SETBP1: variants seen among roughly 807,000 people sequenced by gnomAD.
SETBP1 encodes SET-binding protein.
A neutral mutation model predicts 101.0 loss-of-function variants in SETBP1; 9 were observed. That is an observed-to-expected ratio of 0.09 (90% CI 0.05 to 0.16). The LOEUF (loss-of-function observed/expected upper bound fraction) is 0.16, where lower values mean the gene tolerates loss of function less well. SETBP1 is among the 10% of genes least tolerant of loss of function. SETBP1 has a pLI of 1.00. For synonymous variants in SETBP1, 818 were observed against 788.5 expected (o/e 1.04, Z -0.63); for missense variants, 1,858 against 2,033.8 (o/e 0.91, Z 1.66).
At chr18:44,722,162 G>A (rs561011784) in intron 2 of SETBP1, among the ~76,000 whole-genome samples, 1 of 152,358 alleles carries the variant, frequency 6.6e-6, no homozygotes, top group Admixed American at 6.5e-5. Context: ...GTACCGAAAA[G>A]AGCCCAGCAT....
chr18:45,040,723 G>A (rs1233385153), intron 5 of SETBP1, among the ~76,000 whole-genome samples: 2 of 152,216 alleles, frequency 1.3e-5, no homozygotes, highest in African/African-American at 2.4e-5. Flanking sequence ...TGCCAAATGG[G>A]CAGTAGAAAC....
intron 5 of SETBP1, among the ~76,000 whole-genome samples, chr18:45,039,435 C>T (rs2073465616): frequency 6.6e-6 from 1 of 152,138 alleles, no homozygotes; most frequent in Non-Finnish European, 1.5e-5. Context: ...TTACTCAATT[C>T]CTAATTACAT....
chr18:44,785,744 C>T (rs1462280523), intron 2 of SETBP1, among the ~76,000 whole-genome samples: 1 of 152,220 alleles, frequency 6.6e-6, no homozygotes, highest in Non-Finnish European at 1.5e-5. Flanking sequence ...ACATGCTCAA[C>T]AGCACATGGC....
At position 44,826,623 on chromosome 18, in the gene SETBP1, A is replaced by AT. The variant is rs551249628; in HGVS notation, c.487-42597dup. The stretch of plus-strand genomic sequence containing the variant: ...AGGGAGGACTGAATTGAAGTGGAGG[A>AT]TTTTTTTTTTCCTGTTCCTGTTGTT... On this transcript the variant is annotated intron_variant, in intron 2 of 5. Coordinates refer to ENST00000649279, the MANE Select transcript of SETBP1 (RefSeq NM_015559.3). 2.2e-3 allele frequency among the ~76,000 whole-genome samples: 329 copies of AT among 149,878 alleles called. 2 individuals carry two copies. Among genetic ancestry groups the AT allele is most frequent in the African/African-American group, 7.0e-3 (286 of 40,792 alleles).
intron 2 of SETBP1, among the ~76,000 whole-genome samples, chr18:44,823,082 G>T (rs961632133): frequency 1.3e-5 from 2 of 152,174 alleles, no homozygotes; most frequent in African/African-American, 4.8e-5. Flanking sequence ...AGTGAACCTA[G>T]ATCATGCTGC....
At chr18:44,847,636 G>C (rs892374895) in intron 2 of SETBP1, among the ~76,000 whole-genome samples, 1 of 152,194 alleles carries the variant, frequency 6.6e-6, no homozygotes, top group African/African-American at 2.4e-5. Context: ...AAGCACTGTG[G>C]GGGTAGGGCA....
chr18:44,900,882 G>A (rs1403253241), intron 3 of SETBP1, among the ~76,000 whole-genome samples: 2 of 152,138 alleles, frequency 1.3e-5, no homozygotes, highest in Non-Finnish European at 2.9e-5. Flanking sequence ...GCACTTGGCT[G>A]GTACCAGGAA....
chr18:44,865,718 A>G (rs562391310), intron 2 of SETBP1, among the ~76,000 whole-genome samples: 1 of 150,198 alleles, frequency 6.7e-6, no homozygotes, highest in Non-Finnish European at 1.5e-5. Flanking sequence ...GTTAGAACCC[A>G]GAAAGGCCAG....
chr18:44,973,272 G>T (rs765678141), intron 4 of SETBP1, among the ~76,000 whole-genome samples: 1 of 152,084 alleles, frequency 6.6e-6, no homozygotes, highest in South Asian at 2.1e-4. Flanking sequence ...TGCTGGATTC[G>T]GTTTGCCAAT....
chr18:44,701,518 G>C lies in SETBP1; in HGVS notation c.172G>C (p.Glu58Gln). The C allele has an allele frequency of 6.2e-7, 1 of 1,614,106 alleles. No individual in the cohort carries two copies. Among genetic ancestry groups the C allele is most frequent in the Admixed American group, 1.7e-5 (1 of 60,026 alleles). Reference sequence around the variant, plus strand: ...GGTGGGCGGAGAGCGCATGGAGCCAGAGGAGGAGGATGAACTAGGCTCAGG... The same window carrying C: ...GGTGGGCGGAGAGCGCATGGAGCCACAGGAGGAGGATGAACTAGGCTCAGG... ...IPVGGERMEPEEEDELGSGRD... is the reference protein window; with the variant it reads ...IPVGGERMEPQEEDELGSGRD... The change falls in exon 2 of 6, where the codon GAG becomes CAG. Residue 58 changes from glutamate (E) to glutamine (Q), a missense_variant. Around this residue, in one of 12 missense-constraint regions of SETBP1, gnomAD observed 97 missense variants for 101.2 expected, o/e 0.96. Transcript: ENST00000649279.
intron 3 of SETBP1, among the ~76,000 whole-genome samples, chr18:44,887,529 G>A (rs764055625): frequency 2.0e-5 from 3 of 152,182 alleles, no homozygotes; most frequent in Non-Finnish European, 4.4e-5. Context: ...CCTACCCTTA[G>A]AGCAGAGAAG....
intron 4 of SETBP1, 141 bp from the exon 5 acceptor site, chr18:45,038,344 A>T (rs2073440723): frequency 2.4e-6 from 2 of 837,590 alleles, no homozygotes; most frequent in Non-Finnish European, 3.9e-6. Flanking sequence ...CTCTTTTAGC[A>T]TTTTTAAATT....
In SETBP1 at chr18:44,952,204, C is replaced by A. The variant is rs570984485; in HGVS notation, c.2864C>A (p.Ala955Glu). 7 of 1,614,132 alleles carry A rather than the reference C, an allele frequency of 4.3e-6. No homozygotes were observed. Among genetic ancestry groups the A allele is most frequent in the East Asian group, 2.2e-5 (1 of 44,872 alleles). The change falls in exon 4 of 6, where the codon GCA (alanine) becomes GAA (glutamate). Residue 955 changes from alanine to glutamate, a missense_variant. Coordinates refer to ENST00000649279, the MANE Select transcript of SETBP1 (RefSeq NM_015559.3). ...AACCGCGATGACCTCCAGTTTCTGG[C>A]AGACCTGGAGGAGCTAATCACCAAG... ...LQNRDDLQFL[A>E]DLEELITKFQ...
chr18:44,894,933 C>T (rs1250483977), intron 3 of SETBP1, among the ~76,000 whole-genome samples: 2 of 141,796 alleles, frequency 1.4e-5, no homozygotes, highest in East Asian at 2.1e-4. Context: ...AGCAACATAG[C>T]GAGACCCTAT....
At chr18:44,976,055 C>T (rs1479138606) in intron 4 of SETBP1, among the ~76,000 whole-genome samples, 3 of 143,356 alleles carry the variant, frequency 2.1e-5, no homozygotes, top group African/African-American at 5.2e-5. Flanking sequence ...TTTAGTAAGT[C>T]GAGCTTTTGG....
chr18:45,040,556 C>T lies in SETBP1; in HGVS notation c.4171+1901C>T, dbSNP rs917557826. 8.5e-5 allele frequency among the ~76,000 whole-genome samples: 13 copies of T among 152,284 alleles called. No individual in the cohort carries two copies. The South Asian group carries it at 1.9e-3, about 22-fold the overall frequency. The stretch of plus-strand genomic sequence containing the variant: ...TTAGCCTTTGTGTTTCCACCTTTGC[C>T]GGCCATGCACAGATATTTCTCTGAG... On this transcript the variant is annotated intron_variant, in intron 5 of 5. Transcript: ENST00000649279.
intron 5 of SETBP1, among the ~76,000 whole-genome samples, chr18:45,045,045 GC>G (rs2073582148): frequency 6.6e-6 from 1 of 152,270 alleles, no homozygotes; most frequent in South Asian, 2.1e-4. Flanking sequence ...ACTTTGGGAG[GC>G]CAAGGCAGGT....
chr18:45,041,860 G>A (rs1332812981), intron 5 of SETBP1, among the ~76,000 whole-genome samples: 1 of 151,912 alleles, frequency 6.6e-6, no homozygotes, highest in African/African-American at 2.4e-5. Context: ...AGGAGTCTTA[G>A]GCAGGAGAAT....
chr18:44,917,151 A>G (rs2070448258), intron 3 of SETBP1, among the ~76,000 whole-genome samples: 1 of 152,212 alleles, frequency 6.6e-6, no homozygotes, highest in Non-Finnish European at 1.5e-5. Flanking sequence ...GGGAAAGGAC[A>G]CCCTTCTCAA....
Sources: gnomAD v4.1 joint callset for allele counts (sites outside exome capture counted in the v4.1 genomes callset) on GRCh38, gnomAD v4.1.1 for gene constraint, gnomAD v4.1.1 regional missense constraint, MANE v1.5 for transcripts, NCBI Gene and HGNC (gene_info 2026-07-23, HGNC 2026-07-21) for gene names.